The following ITGA9 variants were observed in gnomAD, a reference collection of about 807,000 sequenced individuals.
The protein encoded by ITGA9 is integrin subunit alpha 9, also known as integrin alpha-9.
ITGA9 carries 56 observed loss-of-function variants against 127.8 expected under a neutral mutation model. The ratio of observed to expected loss-of-function variants is 0.44; its 90% confidence interval spans 0.35 to 0.55. ITGA9 has a LOEUF of 0.55. Among genes scored for constraint, ITGA9 ranks in the 20% least tolerant of loss-of-function variants. The probability of loss-of-function intolerance (pLI) is 0.00; values close to 1 mark genes in which losing one functional copy is unlikely to be tolerated. For missense variants in ITGA9, 1,196 were observed against 1,347.1 expected (o/e 0.89, Z 1.76); for synonymous variants, 508 against 514.5 (o/e 0.99, Z 0.17).
chr3:37,628,095 C>T (rs1700193696), intron 15 of ITGA9, among the ~76,000 whole-genome samples: 1 of 152,200 alleles, frequency 6.6e-6, no homozygotes, highest in Non-Finnish European at 1.5e-5. Context: ...GTCCTCATCT[C>T]TGCACTTGTG....
chr3:37,777,245 C>T (rs1575232976), intron 23 of ITGA9, 147 bp from the exon 24 acceptor site: 1 of 881,904 alleles, frequency 1.1e-6, no homozygotes, highest in Admixed American at 2.1e-5. Flanking sequence ...TGCCTTTCAG[C>T]TTTTCAGCCA....
intron 23 of ITGA9, among the ~76,000 whole-genome samples, chr3:37,757,956 G>C (rs17036908): frequency 6.6e-6 from 1 of 151,706 alleles, no homozygotes; most frequent in South Asian, 2.1e-4. Context: ...AATGGAGAGC[G>C]GGCACACTCA....
At chr3:37,549,726 C>T (rs1178040429) in intron 15 of ITGA9, among the ~76,000 whole-genome samples, 1 of 152,174 alleles carries the variant, frequency 6.6e-6, no homozygotes, top group Non-Finnish European at 1.5e-5. Context: ...AAAGTAATCA[C>T]CTTCTAGTCA....
At chr3:37,643,548 C>A (rs1247300554) in intron 16 of ITGA9, among the ~76,000 whole-genome samples, 1 of 152,144 alleles carries the variant, frequency 6.6e-6, no homozygotes, top group Non-Finnish European at 1.5e-5. Flanking sequence ...GCTTCTGAAA[C>A]CCTTTTTAGA....
At chr3:37,766,051 C>T (rs1696776586) in intron 23 of ITGA9, among the ~76,000 whole-genome samples, 1 of 152,200 alleles carries the variant, frequency 6.6e-6, no homozygotes. Flanking sequence ...TGACACAGAG[C>T]CTTGCCATGG....
intron 24 of ITGA9, among the ~76,000 whole-genome samples, chr3:37,778,825 T>C (rs1696939137): frequency 6.6e-6 from 1 of 151,766 alleles, no homozygotes; most frequent in Admixed American, 6.6e-5. Context: ...TTTCTCATTC[T>C]TTTCTCCTGT....
At chr3:37,558,357 G>A (rs1575149228) in intron 15 of ITGA9, among the ~76,000 whole-genome samples, 1 of 152,150 alleles carries the variant, frequency 6.6e-6, no homozygotes, top group Non-Finnish European at 1.5e-5. Context: ...GGGAAACAAA[G>A]ATTAAAAAGA....
In ITGA9 at chr3:37,475,027, C is replaced by T. The variant is rs547959135; in HGVS notation, c.420+1567C>T. Among the ~76,000 whole-genome samples, 13 of 152,344 alleles carry T rather than the reference C, an allele frequency of 8.5e-5. No individual in the cohort carries two copies. The South Asian group carries it at 2.7e-3, about 32-fold the overall frequency. Reference sequence around the variant, plus strand: ...TGGTGGGGGCCTCCCTCCTGGAAGCCGTTGTAGGTCCTGCACAGGCTCCCT... The same window carrying T: ...TGGTGGGGGCCTCCCTCCTGGAAGCTGTTGTAGGTCCTGCACAGGCTCCCT... On this transcript the variant is annotated intron_variant, in intron 3 of 27. Coordinates refer to ENST00000264741, the MANE Select transcript of ITGA9 (RefSeq NM_002207.3).
Position 37,796,517 on chromosome 3 carries a change from C to T in ITGA9, c.2890-7306C>T, listed in dbSNP as rs144610969. On this transcript the variant is annotated intron_variant, in intron 26 of 27. Coordinates refer to ENST00000264741, the MANE Select transcript of ITGA9 (RefSeq NM_002207.3). Reference sequence around the variant, plus strand: ...TGGATGGATGAATGGATGGATGGAACGACGGACAGACGGATGGACAGAGCA... The same window carrying T: ...TGGATGGATGAATGGATGGATGGAATGACGGACAGACGGATGGACAGAGCA... Among the ~76,000 whole-genome samples the T allele has an allele frequency of 8.4e-3, 1,264 of 151,164 alleles. 5 individuals are homozygous for T. Among genetic ancestry groups the T allele is most frequent in the Non-Finnish European group, 0.014 (931 of 67,944 alleles).
chr3:37,732,976 C>T, intron 19 of ITGA9, 178 bp downstream of exon 19: 2 of 653,804 alleles, frequency 3.1e-6, no homozygotes, highest in East Asian at 2.8e-5. Flanking sequence ...CCGGGGTATA[C>T]TCCGGAGGGG....
At chr3:37,651,450 C>T (rs1365914088) in intron 16 of ITGA9, among the ~76,000 whole-genome samples, 2 of 152,186 alleles carry the variant, frequency 1.3e-5, no homozygotes, top group African/African-American at 4.8e-5. Context: ...TGAGTGGTCA[C>T]TCTGTCTCTC....
chr3:37,453,122 C>T (rs1549597), intron 1 of ITGA9, among the ~76,000 whole-genome samples: 1 of 148,816 alleles, frequency 6.7e-6, no homozygotes. Flanking sequence ...GGCGCCCCCC[C>T]CCCCCCCCAG....
rs981952 is a variant in ITGA9, at chr3:37,732,682, C to T, written c.2068-30C>T. The T allele has an allele frequency of 0.017, 27,126 of 1,557,252 alleles. 2,084 individuals carry two copies. The African/African-American group carries it at 0.23, about 13-fold the overall frequency. ...CCCACACACCTGCCTTTTGTGCAGC[C>T]GGCCCATCTGTTGGTGCTTTTTCTT... On this transcript the variant is annotated intron_variant, in intron 18 of 27. Transcript: ENST00000264741.
intron 18 of ITGA9, among the ~76,000 whole-genome samples, chr3:37,690,612 A>C (rs1472612042): frequency 1.3e-5 from 2 of 152,180 alleles, no homozygotes; most frequent in African/African-American, 4.8e-5. Context: ...CAGGTGCATG[A>C]GGGCTCCCAG....
intron 4 of ITGA9, among the ~76,000 whole-genome samples, chr3:37,489,002 C>T (rs965833646): frequency 6.6e-6 from 1 of 152,112 alleles, no homozygotes; most frequent in African/African-American, 2.4e-5. Flanking sequence ...TCCCCTAGTC[C>T]CTGGCAACTG....
chr3:37,577,425 A>G (rs546016624), intron 15 of ITGA9, among the ~76,000 whole-genome samples: 57 of 152,360 alleles, frequency 3.7e-4, no homozygotes, highest in African/African-American at 1.3e-3. Flanking sequence ...AGCTGACATC[A>G]AATGGATCTC....
chr3:37,549,838 C>G (rs948817814), intron 15 of ITGA9, among the ~76,000 whole-genome samples: 5 of 152,190 alleles, frequency 3.3e-5, no homozygotes, highest in Non-Finnish European at 5.9e-5. Flanking sequence ...CAAGATTTCT[C>G]TGCAATCCTC....
intron 23 of ITGA9, among the ~76,000 whole-genome samples, chr3:37,760,317 G>A (rs1696709344): frequency 6.6e-6 from 1 of 151,734 alleles, no homozygotes; most frequent in South Asian, 2.1e-4. Context: ...TTCATTAGAG[G>A]GGCTCAATAG....
At chr3:37,611,822 T>G (rs1396030473) in intron 15 of ITGA9, among the ~76,000 whole-genome samples, 1 of 152,000 alleles carries the variant, frequency 6.6e-6, no homozygotes, top group Non-Finnish European at 1.5e-5. Context: ...AGGTCAGGAT[T>G]CTTCTGTAAA....
Sources: gnomAD v4.1 joint callset for allele counts (sites outside exome capture counted in the v4.1 genomes callset) on GRCh38, gnomAD v4.1.1 for gene constraint, MANE v1.5 for transcripts, NCBI Gene and HGNC (gene_info 2026-07-23, HGNC 2026-07-21) for gene names.